Variants in NAV3 observed in about 807,000 individuals in gnomAD.
NAV3 encodes the protein neuron navigator 3.
Under a neutral mutation model 244.7 loss-of-function variants are expected in NAV3, and 87 were observed. The ratio of observed to expected loss-of-function variants is 0.36; its 90% confidence interval spans 0.30 to 0.42. NAV3 has a LOEUF of 0.42. Ranked by LOEUF, NAV3 falls within the 20% of genes least tolerant of loss-of-function variation. The pLI is 1.00. For synonymous variants in NAV3, 1,126 were observed against 1,042.2 expected (o/e 1.08, Z -1.55); for missense variants, 2,663 against 2,893.3 (o/e 0.92, Z 1.83).
chr12:78,167,439 C>T (rs1957824890), intron 23 of NAV3, among the ~76,000 whole-genome samples: 1 of 150,962 alleles, frequency 6.6e-6, no homozygotes, highest in Non-Finnish European at 1.5e-5. Flanking sequence ...AGGAAAATGT[C>T]AGGTATCCGA....
intron 9 of NAV3, among the ~76,000 whole-genome samples, chr12:78,029,793 C>A (rs1007063328): frequency 6.6e-5 from 10 of 152,110 alleles, no homozygotes; most frequent in African/African-American, 2.4e-4. Context: ...TTTTTCACTG[C>A]ATTAATGCTA....
intron 1 of NAV3, among the ~76,000 whole-genome samples, chr12:77,834,731 G>T (rs12578426): frequency 0.095 from 14,459 of 152,230 alleles, 1,024 homozygotes; most frequent in East Asian, 0.28. Flanking sequence ...AGCCTCTGTG[G>T]TAAGCAAAGT....
chr12:77,861,041 C>G (rs954557554), intron 1 of NAV3, among the ~76,000 whole-genome samples: 1 of 151,832 alleles, frequency 6.6e-6, no homozygotes, highest in Non-Finnish European at 1.5e-5. Context: ...TTCTTTATCA[C>G]AGAGAAATTT....
intron 27 of NAV3, 85 bp downstream of exon 27, chr12:78,177,398 G>T: frequency 6.9e-7 from 1 of 1,443,892 alleles, no homozygotes; most frequent in Non-Finnish European, 9.4e-7. Flanking sequence ...AACCATATCT[G>T]TACCAATTAT....
intron 9 of NAV3, among the ~76,000 whole-genome samples, chr12:78,040,295 G>C (rs1252703276): frequency 6.6e-6 from 1 of 152,052 alleles, no homozygotes. Context: ...GGAAAGAAAA[G>C]GTCCATTTGT....
chr12:77,999,381 A>G (rs1488416820), intron 7 of NAV3, among the ~76,000 whole-genome samples: 1 of 152,266 alleles, frequency 6.6e-6, no homozygotes, highest in African/African-American at 2.4e-5. Flanking sequence ...TTTAGTTAGT[A>G]GAACATCTGG....
intron 9 of NAV3, among the ~76,000 whole-genome samples, chr12:78,024,621 C>G (rs1352043671): frequency 6.6e-6 from 1 of 152,116 alleles, no homozygotes; most frequent in African/African-American, 2.4e-5. Context: ...ATAGCTCCCT[C>G]CCAACCAAAT....
chr12:77,903,943 A>G (rs917749788), intron 1 of NAV3, among the ~76,000 whole-genome samples: 1 of 152,172 alleles, frequency 6.6e-6, no homozygotes, highest in African/African-American at 2.4e-5. Flanking sequence ...AACCACAATG[A>G]GATACCATCT....
chr12:77,983,025 G>A (rs1272246074), intron 5 of NAV3, among the ~76,000 whole-genome samples: 2 of 152,118 alleles, frequency 1.3e-5, no homozygotes, highest in African/African-American at 2.4e-5. Context: ...TGAATTTATC[G>A]TATCCCTGTG....
chr12:77,598,103 C>T (rs1055633732), intron 2 of NAV3, among the ~76,000 whole-genome samples: 6 of 152,024 alleles, frequency 3.9e-5, no homozygotes, highest in Non-Finnish European at 8.8e-5. Flanking sequence ...TACCCATATA[C>T]ATTTACTGTA....
intron 15 of NAV3, among the ~76,000 whole-genome samples, chr12:78,121,396 A>G (rs118184835): frequency 0.04 from 6,040 of 152,294 alleles, 195 homozygotes; most frequent in South Asian, 0.13. Context: ...GACAATGTCA[A>G]TATTGTTTCC....
At chr12:77,661,145 T>G (rs537045101) in intron 2 of NAV3, among the ~76,000 whole-genome samples, 7 of 152,282 alleles carry the variant, frequency 4.6e-5, no homozygotes, top group African/African-American at 1.7e-4. Context: ...TATTTAACTT[T>G]TTGAATAACT....
chr12:77,797,905 A>C (rs1871506901), intron 2 of NAV3, among the ~76,000 whole-genome samples: 1 of 151,838 alleles, frequency 6.6e-6, no homozygotes, highest in African/African-American at 2.4e-5. Context: ...ACAGTGGCTC[A>C]TGCCTGTAAT....
chr12:77,795,005 G>A (rs1051297106), intron 2 of NAV3, among the ~76,000 whole-genome samples: 6 of 152,226 alleles, frequency 3.9e-5, no homozygotes, highest in Admixed American at 2.6e-4. Context: ...GTGTTCAAGC[G>A]AGAGGACAAG....
chr12:78,035,486 T>C (rs1230171163), intron 9 of NAV3, among the ~76,000 whole-genome samples: 1 of 152,156 alleles, frequency 6.6e-6, no homozygotes, highest in Non-Finnish European at 1.5e-5. Flanking sequence ...ACAAGGTAAA[T>C]ACAAGAAAAT....
chr12:78,148,294 T>G (rs1333428481), intron 21 of NAV3, among the ~76,000 whole-genome samples: 1 of 151,982 alleles, frequency 6.6e-6, no homozygotes, highest in East Asian at 1.9e-4. Flanking sequence ...CAATAACAAT[T>G]TAAATGTGAA....
At chr12:78,187,245 G>C (rs1190218414) in intron 31 of NAV3, among the ~76,000 whole-genome samples, 2 of 151,804 alleles carry the variant, frequency 1.3e-5, no homozygotes, top group Non-Finnish European at 2.9e-5. Flanking sequence ...TACATATTAA[G>C]AGATTGAGGG....
chr12:77,795,566 T>G (rs1240518518), intron 2 of NAV3, among the ~76,000 whole-genome samples: 2 of 152,164 alleles, frequency 1.3e-5, no homozygotes, highest in African/African-American at 4.8e-5. Flanking sequence ...GCAGTATAAC[T>G]ATATGTATGT....
intron 2 of NAV3, among the ~76,000 whole-genome samples, chr12:77,822,375 A>G (rs1365931479): frequency 6.6e-6 from 1 of 152,108 alleles, no homozygotes; most frequent in African/African-American, 2.4e-5. Context: ...CTTTCTTTTG[A>G]CTGATTCAAT....
Sources: allele counts gnomAD v4.1 joint callset (sites outside exome capture counted in the v4.1 genomes callset), GRCh38; gene constraint gnomAD v4.1.1; transcripts MANE v1.5; gene names NCBI Gene and HGNC (gene_info 2026-07-23, HGNC 2026-07-21).